The following PDE4D variants were observed in gnomAD, a reference collection of about 807,000 sequenced individuals.
PDE4D encodes 3',5'-cyclic-AMP phosphodiesterase 4D.
PDE4D carries 24 observed loss-of-function variants against 87.4 expected under a neutral mutation model. The observed-to-expected ratio is 0.27, with a 90% CI of 0.20 to 0.39. The LOEUF (loss-of-function observed/expected upper bound fraction) is 0.39, where lower values mean the gene tolerates loss of function less well. Ranked by LOEUF, PDE4D falls within the 10% of genes least tolerant of loss-of-function variation. PDE4D has a pLI of 1.00. For synonymous variants in PDE4D, 384 were observed against 383.2 expected (o/e 1.00, Z -0.02); for missense variants, 714 against 1,041.0 (o/e 0.69, Z 4.32).
At chr5:59,033,133 A>G (rs1757886691) in intron 6 of PDE4D, among the ~76,000 whole-genome samples, 1 of 152,224 alleles carries the variant, frequency 6.6e-6, no homozygotes, top group South Asian at 2.1e-4. Flanking sequence ...AAGATAAACT[A>G]TTCTCTAAGA....
intron 1 of PDE4D, among the ~76,000 whole-genome samples, chr5:59,556,634 C>G (rs1818969406): frequency 6.6e-6 from 1 of 152,144 alleles, no homozygotes. Context: ...TCTAGCATTT[C>G]TTTTGTTTTC....
chr5:60,133,169 T>C (rs887414738), intron 2 of PDE4D, among the ~76,000 whole-genome samples: 7 of 152,158 alleles, frequency 4.6e-5, no homozygotes, highest in African/African-American at 1.7e-4. Flanking sequence ...TGTCCTCATA[T>C]CTATCAAATA....
chr5:60,436,330 TGTACAGCAA>T lies in PDE4D; in HGVS notation c.-90+51603_-90+51611del, dbSNP rs1402686511. 3.9e-5 allele frequency among the ~76,000 whole-genome samples: 6 copies of T among 152,216 alleles called. No homozygotes were observed. The East Asian group carries it at 1.2e-3, about 29-fold the overall frequency. On this transcript the variant is annotated intron_variant, in intron 1 of 16. Coordinates refer to the PDE4D transcript ENST00000502484. The stretch of plus-strand genomic sequence containing the variant: ...AAACAAAGTCAAAAATCAGTTAGAC[TGTACAGCAA>T]GTTTCTAATATTAATCCTCAATAAA...
Position 59,022,095 on chromosome 5 carries a change from C to T in PDE4D, c.921+16764G>A, listed in dbSNP as rs761079925. 7.2e-5 allele frequency among the ~76,000 whole-genome samples: 11 copies of T among 152,290 alleles called. No individual in the cohort carries two copies. The East Asian group carries it at 1.7e-3, about 24-fold the overall frequency. ...CTCATGAAATATACCATCCATAAAT[C>T]GCTCTCCAGTCAGCTCTACCCCTCC... On this transcript the variant is annotated intron_variant, in intron 6 of 14. Transcript: ENST00000340635.
intron 2 of PDE4D, among the ~76,000 whole-genome samples, chr5:59,214,865 G>A (rs552944851): frequency 2.1e-4 from 32 of 152,256 alleles, no homozygotes; most frequent in Admixed American, 9.2e-4. Flanking sequence ...TGTTAGAATG[G>A]CAAGAATAAC....
intron 1 of PDE4D, among the ~76,000 whole-genome samples, chr5:59,854,539 G>T (rs1297217793): frequency 6.6e-6 from 1 of 151,928 alleles, no homozygotes; most frequent in East Asian, 1.9e-4. Context: ...TGCTTAGAGG[G>T]TATCACCCTA....
intron 1 of PDE4D, among the ~76,000 whole-genome samples, chr5:60,255,376 T>G (rs1692860012): frequency 6.6e-6 from 1 of 151,812 alleles, no homozygotes; most frequent in Admixed American, 6.6e-5. Flanking sequence ...CACTACTAAC[T>G]CATTGGAACT....
intron 3 of PDE4D, among the ~76,000 whole-genome samples, chr5:59,928,959 C>T (rs1470332322): frequency 6.6e-6 from 1 of 151,396 alleles, no homozygotes; most frequent in Non-Finnish European, 1.5e-5. Context: ...CAAATCAGAG[C>T]AAAGTCCATT....
chr5:60,073,683 T>C lies in PDE4D; in HGVS notation c.43-84966A>G, dbSNP rs191777727. 2.6e-3 allele frequency among the ~76,000 whole-genome samples: 397 copies of C among 152,024 alleles called. 1 individual carries two copies. Among genetic ancestry groups the C allele is most frequent in the African/African-American group, 8.8e-3 (367 of 41,522 alleles). ...GTTTGGTAGGCTATTTACTGATAAA[T>C]TTACTGATCCAATTTCACAGTTCGT... is the stretch of plus-strand genomic sequence containing the variant. On this transcript the variant is annotated intron_variant, in intron 2 of 16. Coordinates refer to the PDE4D transcript ENST00000502484.
chr5:59,381,136 C>T (rs1339913203), intron 1 of PDE4D, among the ~76,000 whole-genome samples: 4 of 152,150 alleles, frequency 2.6e-5, no homozygotes, highest in East Asian at 1.9e-4. Flanking sequence ...CATCAACCCC[C>T]GGAATACTAG....
At chr5:58,988,785 TA>T (rs1353773649) in intron 10 of PDE4D, among the ~76,000 whole-genome samples, 193 bp from the exon 11 acceptor site, 4 of 152,342 alleles carry the variant, frequency 2.6e-5, no homozygotes, top group Non-Finnish European at 4.4e-5. Context: ...ATATTTTATC[TA>T]ATTTTATTAC....
chr5:59,156,814 T>G (rs149137512), intron 5 of PDE4D, among the ~76,000 whole-genome samples: 142 of 152,274 alleles, frequency 9.3e-4, no homozygotes, highest in African/African-American at 3.2e-3. Context: ...ATATTCTAGC[T>G]AAAAGAGAAT....
intron 1 of PDE4D, among the ~76,000 whole-genome samples, chr5:60,375,690 C>G (rs1761373686): frequency 1.3e-5 from 2 of 152,164 alleles, no homozygotes; most frequent in African/African-American, 4.8e-5. Context: ...CAACCATGAG[C>G]ATTTTTGGAG....
chr5:59,999,718 A>G (rs1763856334), intron 2 of PDE4D, among the ~76,000 whole-genome samples: 1 of 151,926 alleles, frequency 6.6e-6, no homozygotes, highest in Admixed American at 6.6e-5. Flanking sequence ...CAATCAAAGG[A>G]ACAAAATACA....
chr5:60,243,448 C>G (rs1230190118), intron 1 of PDE4D, among the ~76,000 whole-genome samples: 1 of 151,946 alleles, frequency 6.6e-6, no homozygotes, highest in Non-Finnish European at 1.5e-5. Flanking sequence ...GGAAATACTT[C>G]CAAACTCATT....
At chr5:60,134,531 CTA>C (rs2149404580) in intron 2 of PDE4D, among the ~76,000 whole-genome samples, 1 of 152,272 alleles carries the variant, frequency 6.6e-6, no homozygotes, top group South Asian at 2.1e-4. Flanking sequence ...CAACAAAAAA[CTA>C]TTATACAGTT....
intron 1 of PDE4D, chr5:60,448,505 GTT>G (rs552572986): frequency 6.6e-6 from 1 of 152,138 alleles, no homozygotes; most frequent in Non-Finnish European, 1.5e-5. Flanking sequence ...TTTAGACTGT[GTT>G]CAGTGTTCTT....
At chr5:59,661,613 G>A (rs1745265771) in intron 1 of PDE4D, among the ~76,000 whole-genome samples, 1 of 152,144 alleles carries the variant, frequency 6.6e-6, no homozygotes, top group Non-Finnish European at 1.5e-5. Flanking sequence ...AAGTTACCAT[G>A]CAATCCTATT....
chr5:60,331,861 C>T (rs1757332510), intron 1 of PDE4D, among the ~76,000 whole-genome samples: 1 of 152,170 alleles, frequency 6.6e-6, no homozygotes, highest in Admixed American at 6.5e-5. Flanking sequence ...CTACAACAAT[C>T]ATCTTTCCTT....
Sources: gnomAD v4.1 joint callset for allele counts (sites outside exome capture counted in the v4.1 genomes callset) on GRCh38, gnomAD v4.1.1 for gene constraint, MANE v1.5 for transcripts, NCBI Gene and HGNC (gene_info 2026-07-23, HGNC 2026-07-21) for gene names.